Variants in BSCL2 observed in about 807,000 individuals in gnomAD.
BSCL2 encodes seipin.
Under a neutral mutation model 57.4 loss-of-function variants are expected in BSCL2, and 41 were observed. The ratio of observed to expected loss-of-function variants is 0.71; its 90% CI spans 0.56 to 0.93. The LOEUF is 0.93. BSCL2 is among the 40% of genes least tolerant of loss of function. BSCL2 has a pLI of 0.00. For synonymous variants in BSCL2, 237 were observed against 227.3 expected, an observed-to-expected ratio of 1.04 and a Z score of -0.38; for missense variants, 539 against 586.7, an observed-to-expected ratio of 0.92 and a Z score of 0.84.
chr11:62,691,753 A>G (rs540076453), intron 6 of BSCL2, among the ~76,000 whole-genome samples: 59 of 152,278 alleles, frequency 3.9e-4, no homozygotes, highest in Middle Eastern at 3.4e-3. Context: ...GGGTGCTTTA[A>G]AACATTCTGC....
intron 3 of BSCL2, among the ~76,000 whole-genome samples, chr11:62,701,728 A>G (rs1945645272): frequency 6.6e-6 from 1 of 150,562 alleles, no homozygotes; most frequent in African/African-American, 2.4e-5. Flanking sequence ...GCTACTCGGG[A>G]GGCTGAGGCA....
Position 62,691,136 on chromosome 11 carries a change from G to A in BSCL2, c.1011C>T (p.Asn337=). 1 of 1,614,222 alleles carries A rather than the reference G, an allele frequency of 6.2e-7. No individual in the cohort carries two copies. Among genetic ancestry groups the A allele is most frequent in the Non-Finnish European group, 8.5e-7 (1 of 1,180,044 alleles). ...TCCGGGAATTGTCTCTTTTTCGGAT[G>A]TTAACCTGTGGAGGAAAAACTACTG... ...WPRHRFSLQV[N]IRKRDNSRKE... is the part of the protein sequence containing the mutation. The change falls in exon 8 of 11, where the codon AAC becomes AAT. Residue 337 remains asparagine, a synonymous_variant. Coordinates refer to ENST00000360796, the MANE Select transcript of BSCL2 (RefSeq NM_001122955.4).
At chr11:62,699,739 A>G (rs1271294884) in intron 3 of BSCL2, among the ~76,000 whole-genome samples, 1 of 132,390 alleles carries the variant, frequency 7.6e-6, no homozygotes, top group Admixed American at 8.6e-5. Flanking sequence ...AGTGCAATGG[A>G]GCAGTCTCGG....
chr11:62,694,815 G>C (rs1945408954), intron 3 of BSCL2, 104 bp from the exon 4 acceptor site: 1 of 1,361,554 alleles, frequency 7.3e-7, no homozygotes, highest in African/African-American at 1.4e-5. Context: ...CAAATACTCA[G>C]CCACAACCCT....
rs1372863194 is a variant in BSCL2, at chr11:62,692,662, C to T, written c.765+1G>A. The stretch of plus-strand genomic sequence containing the variant: ...TCATAAAGCTCGTTCACCTCACTCA[C>T]CGAGTTCTCTCTATAGTCTGCGTAG... On this transcript the variant is annotated splice_donor_variant, in intron 5 of 10. Coordinates refer to ENST00000360796, the MANE Select transcript of BSCL2 (RefSeq NM_001122955.4). LOFTEE classifies it high-confidence loss of function. 1 of 1,614,074 alleles carries T rather than the reference C, an allele frequency of 6.2e-7. No individual in the cohort carries two copies. The highest frequency in any genetic ancestry group is 8.5e-7 in the Non-Finnish European group (1 of 1,180,040).
intron 2 of BSCL2, among the ~76,000 whole-genome samples, chr11:62,704,112 G>A (rs1349042730): frequency 3.5e-5 from 5 of 143,776 alleles, no homozygotes; most frequent in South Asian, 2.2e-4. Flanking sequence ...GCAACAGCAC[G>A]AGACTCTGTC....
At chr11:62,692,535 G>A (rs535602209) in intron 5 of BSCL2, 62 bp from the exon 6 acceptor site, 603 of 1,610,336 alleles carry the variant, frequency 3.7e-4, no homozygotes, top group Non-Finnish European at 4.8e-4. Context: ...ACTCTTACCC[G>A]CCTCATCTGA....
chr11:62,702,467 C>A lies in BSCL2; in HGVS notation c.486+1G>T, dbSNP rs1011200048. On this transcript the variant is annotated splice_donor_variant, in intron 3 of 10. Transcript: ENST00000360796. LOFTEE classifies it high-confidence loss of function. The stretch of plus-strand genomic sequence containing the variant: ...AACCTCTCTCTAGTTCCCATACTCA[C>A]CCGATCACGTCCACCCTTAGTCAGC... 6.2e-7 allele frequency: 1 copy of A among 1,611,054 alleles called. No individual in the cohort carries two copies. The highest frequency in any genetic ancestry group is 1.7e-5 in the Admixed American group (1 of 59,934).
chr11:62,694,795 G>A (rs575232581), intron 3 of BSCL2, 84 bp from the exon 4 acceptor site: 4 of 1,481,154 alleles, frequency 2.7e-6, no homozygotes, highest in African/African-American at 1.4e-5. Context: ...CTTAGCCCCC[G>A]CAACGCCCCC....
chr11:62,694,192 ATT>A (rs1173814443), intron 4 of BSCL2, among the ~76,000 whole-genome samples: 1 of 105,752 alleles, frequency 9.5e-6, no homozygotes, highest in Non-Finnish European at 1.9e-5. Flanking sequence ...CTACCCAGAC[ATT>A]CTTTTTTTTT....
At chr11:62,708,686 G>A, upstream of BSCL2, 1 of 1,613,980 alleles carries the variant, frequency 6.2e-7, no homozygotes, top group East Asian at 2.2e-5. Flanking sequence ...AGGTGTCCAA[G>A]GCAGCAGCAG....
At chr11:62,707,478 C>T (rs1204706647), upstream of BSCL2, 9 of 657,728 alleles carry the variant, frequency 1.4e-5, no homozygotes, top group Non-Finnish European at 1.9e-5. Context: ...CGTCATAGGC[C>T]CAGACCACGC....
intron 6 of BSCL2, 112 bp from the exon 7 acceptor site, chr11:62,691,533 G>T: frequency 1.5e-6 from 2 of 1,303,598 alleles, no homozygotes; most frequent in South Asian, 1.2e-5. Context: ...GTTACAGCTG[G>T]CTCTGTCACC....
In BSCL2 at chr11:62,702,467, C is replaced by T. The variant is rs1011200048; in HGVS notation, c.486+1G>A. Reference sequence around the variant, plus strand: ...AACCTCTCTCTAGTTCCCATACTCACCCGATCACGTCCACCCTTAGTCAGC... The same window carrying T: ...AACCTCTCTCTAGTTCCCATACTCATCCGATCACGTCCACCCTTAGTCAGC... On this transcript the variant is annotated splice_donor_variant, in intron 3 of 10. Transcript: ENST00000360796. LOFTEE classifies it high-confidence loss of function. The T allele has an allele frequency of 1.2e-6, 2 of 1,610,936 alleles. No individual in the cohort carries two copies. Among genetic ancestry groups the T allele is most frequent in the African/African-American group, 2.7e-5 (2 of 74,822 alleles).
intron 1 of BSCL2, 134 bp from the exon 2 acceptor site, chr11:62,705,751 C>T: frequency 1.1e-6 from 1 of 895,642 alleles, no homozygotes; most frequent in African/African-American, 1.7e-5. Context: ...TATGGCCTTT[C>T]TCCAAATGAT....
At chr11:62,708,841 C>A, upstream of BSCL2, 1 of 1,533,792 alleles carries the variant, frequency 6.5e-7, no homozygotes, top group Non-Finnish European at 9.0e-7. Context: ...CCTCCCTTTT[C>A]CCTCTCCTGG....
rs1314672833 is a variant in BSCL2, at chr11:62,691,227, C to G, written c.1005+53G>C. 3.1e-6 allele frequency: 5 copies of G among 1,614,152 alleles called. No homozygotes were observed. In the Admixed American group the frequency reaches 8.3e-5, roughly 27 times the overall value. ...TCATGCCTTAATCCCCAACATACCC[C>G]TGACCACCCACAAAGATCAAAGGGA... is the stretch of plus-strand genomic sequence containing the variant. On this transcript the variant is annotated intron_variant, in intron 7 of 10. Coordinates refer to ENST00000360796, the MANE Select transcript of BSCL2 (RefSeq NM_001122955.4).
chr11:62,694,743 AATT>A (rs1404968614), intron 3 of BSCL2, 32 bp from the exon 4 acceptor site: 1 of 1,609,364 alleles, frequency 6.2e-7, no homozygotes, highest in East Asian at 2.2e-5. Context: ...TCTTTAAAAA[AATT>A]TTTTTGTTGA....
Position 62,691,115 on chromosome 11 carries a change from G to T in BSCL2, c.1032C>A (p.Ser344=). 2 of 1,614,172 alleles carry T rather than the reference G, an allele frequency of 1.2e-6. No homozygotes were observed. The highest frequency in any genetic ancestry group is 1.7e-6 in the Non-Finnish European group (2 of 1,180,028). ...LQVNIRKRDN[S]RKEVQRRISA... is the part of the protein sequence containing the mutation. ...AGATCCTTCGTTGGACTTCCTTCCG[G>T]GAATTGTCTCTTTTTCGGATGTTAA... Residue 344 remains serine, a synonymous_variant, in exon 8 of 11, where the codon TCC becomes TCA. Transcript: ENST00000360796.
Sources: allele counts gnomAD v4.1 joint callset (sites outside exome capture counted in the v4.1 genomes callset), GRCh38; gene constraint gnomAD v4.1.1; transcripts MANE v1.5; gene names NCBI Gene and HGNC (gene_info 2026-07-23, HGNC 2026-07-21).